The following GNA14 variants were observed in gnomAD, a reference collection of about 807,000 sequenced individuals.
GNA14 encodes guanine nucleotide-binding protein subunit alpha-14.
In GNA14, 50 loss-of-function variants were observed where a neutral mutation model predicts 42.0. That is an observed-to-expected ratio of 1.19 (90% CI 0.95 to 1.51). The LOEUF is 1.51. Ranked by LOEUF, GNA14 falls within the 40% of genes most tolerant of loss-of-function variation. GNA14 has a pLI of 0.00. For missense variants in GNA14, 473 were observed against 446.2 expected, an observed-to-expected ratio of 1.06 and a Z score of -0.54; for synonymous variants, 173 against 163.1, an observed-to-expected ratio of 1.06 and a Z score of -0.46.
Position 77,428,938 on chromosome 9 carries a change from T to A in GNA14, c.692A>T (p.Tyr231Phe). The change falls in exon 5 of 7, where the codon TAT becomes TTT. Residue 231 changes from tyrosine to phenylalanine, a missense_variant. Coordinates refer to ENST00000341700, the MANE Select transcript of GNA14 (RefSeq NM_004297.4). ...GTCACACTCAGCCAGGACCTGGTCA[T>A]ATTCACTCAGAGCAACCAAGAAAAT... ...SIIFLVALSE[Y>F]DQVLAECDNE... is the part of the protein sequence containing the mutation. The A allele has an allele frequency of 6.2e-7, 1 of 1,614,104 alleles. No homozygotes were observed. The highest frequency in any genetic ancestry group is 1.1e-5 in the South Asian group (1 of 91,074).
At chr9:77,632,191 G>A (rs1824109659) in intron 1 of GNA14, among the ~76,000 whole-genome samples, 1 of 152,230 alleles carries the variant, frequency 6.6e-6, no homozygotes, top group African/African-American at 2.4e-5. Context: ...TCAGAGCAAA[G>A]TTGGGGCCAT....
intron 2 of GNA14, among the ~76,000 whole-genome samples, chr9:77,504,211 T>C (rs1000603637): frequency 5.9e-5 from 9 of 152,202 alleles, no homozygotes; most frequent in African/African-American, 2.2e-4. Flanking sequence ...ACAAATCTTT[T>C]TCACCAACTT....
intron 2 of GNA14, among the ~76,000 whole-genome samples, chr9:77,438,863 A>G (rs1399427743): frequency 6.6e-6 from 1 of 152,190 alleles, no homozygotes; most frequent in African/African-American, 2.4e-5. Flanking sequence ...AAAAACAAGG[A>G]CATCATCGTG....
chr9:77,548,098 G>A (rs1837742273), intron 1 of GNA14, among the ~76,000 whole-genome samples: 1 of 152,154 alleles, frequency 6.6e-6, no homozygotes, highest in Admixed American at 6.5e-5. Flanking sequence ...TTAGGCTGCT[G>A]TAACAAAGTA....
intron 2 of GNA14, among the ~76,000 whole-genome samples, chr9:77,528,776 G>A (rs1315917963): frequency 6.6e-6 from 1 of 152,198 alleles, no homozygotes; most frequent in African/African-American, 2.4e-5. Flanking sequence ...TTAGCGGAAA[G>A]AGAAAATGTA....
chr9:77,570,218 T>G (rs1337749991), intron 1 of GNA14, among the ~76,000 whole-genome samples: 1 of 152,240 alleles, frequency 6.6e-6, no homozygotes, highest in South Asian at 2.1e-4. Context: ...TTTTAACAGC[T>G]TTATTGAAAT....
At chr9:77,619,656 A>G (rs1823890836) in intron 1 of GNA14, among the ~76,000 whole-genome samples, 1 of 152,206 alleles carries the variant, frequency 6.6e-6, no homozygotes, top group African/African-American at 2.4e-5. Flanking sequence ...AGTATAGTGC[A>G]TACCACAACA....
At chr9:77,622,712 C>A (rs1587851573) in intron 1 of GNA14, among the ~76,000 whole-genome samples, 1 of 144,790 alleles carries the variant, frequency 6.9e-6, no homozygotes, top group East Asian at 2.0e-4. Flanking sequence ...TGGTGAAAAC[C>A]CCGTCTCTAC....
intron 1 of GNA14, among the ~76,000 whole-genome samples, chr9:77,565,482 G>C (rs535726817): frequency 6.6e-6 from 1 of 152,196 alleles, no homozygotes; most frequent in South Asian, 2.1e-4. Context: ...TTTTGAGACA[G>C]AGTCTCACTC....
intron 1 of GNA14, among the ~76,000 whole-genome samples, chr9:77,572,006 C>T (rs1437032063): frequency 6.6e-6 from 1 of 151,824 alleles, no homozygotes; most frequent in Non-Finnish European, 1.5e-5. Context: ...ATGTTGGTTT[C>T]TAGCGATTTC....
chr9:77,442,077 G>A (rs1238510722), intron 2 of GNA14, among the ~76,000 whole-genome samples: 1 of 152,194 alleles, frequency 6.6e-6, no homozygotes, highest in Non-Finnish European at 1.5e-5. Context: ...GAAAGTAGTA[G>A]AAAGCTAATG....
chr9:77,512,163 A>G (rs1359768186), intron 2 of GNA14, among the ~76,000 whole-genome samples: 2 of 151,836 alleles, frequency 1.3e-5, no homozygotes, highest in Admixed American at 1.3e-4. Flanking sequence ...AGGCATGTAC[A>G]CAAAAATATT....
intron 2 of GNA14, among the ~76,000 whole-genome samples, chr9:77,462,207 T>C (rs1018331990): frequency 2.6e-5 from 4 of 152,178 alleles, no homozygotes; most frequent in African/African-American, 9.7e-5. Flanking sequence ...CGCAGCTCTT[T>C]GTCCCTGGGC....
chr9:77,450,834 C>T lies in GNA14; in HGVS notation c.310-16312G>A, dbSNP rs549727342. Among the ~76,000 whole-genome samples, 10 of 151,926 alleles carry T rather than the reference C, an allele frequency of 6.6e-5. No homozygotes were observed. The South Asian group carries it at 8.3e-4, about 13-fold the overall frequency. On this transcript the variant is annotated intron_variant, in intron 2 of 6. Transcript: ENST00000341700. ...TTGAATCATGGGGGTGGGTTTTTCC[C>T]GTGCTGTTCTCTTGATAGTGAATAA...
intron 1 of GNA14, among the ~76,000 whole-genome samples, chr9:77,569,069 T>C (rs1428683882): frequency 6.6e-6 from 1 of 152,132 alleles, no homozygotes; most frequent in African/African-American, 2.4e-5. Context: ...AAGTCCCATA[T>C]GTGCCTTCTC....
chr9:77,434,671 C>T (rs1587758324), intron 2 of GNA14, 149 bp from the exon 3 acceptor site: 2 of 644,808 alleles, frequency 3.1e-6, no homozygotes, highest in East Asian at 2.8e-5. Context: ...GGGCCGCTCA[C>T]AGCCAAGACA....
intron 1 of GNA14, among the ~76,000 whole-genome samples, chr9:77,574,436 T>C (rs2131798099): frequency 6.6e-6 from 1 of 152,350 alleles, no homozygotes; most frequent in Non-Finnish European, 1.5e-5. Context: ...GGTGATTAAA[T>C]ACAGACAGTA....
In GNA14 at chr9:77,511,931, G is replaced by A. The variant is rs577405794; in HGVS notation, c.309+17138C>T. On this transcript the variant is annotated intron_variant, in intron 2 of 6. Coordinates refer to ENST00000341700, the MANE Select transcript of GNA14 (RefSeq NM_004297.4). ...CCCCAAAGGCAGAAGGTAGACCCTC[G>A]ATAACTGTTTGATGAATGAATAACC... 2.0e-5 allele frequency among the ~76,000 whole-genome samples: 3 copies of A among 152,252 alleles called. No individual in the cohort carries two copies. The South Asian group carries it at 6.2e-4, about 32-fold the overall frequency.
intron 2 of GNA14, among the ~76,000 whole-genome samples, chr9:77,513,735 C>T (rs1485166365): frequency 2.0e-5 from 3 of 152,228 alleles, no homozygotes; most frequent in African/African-American, 7.2e-5. Context: ...ACATGATGAC[C>T]TTATAGCTAA....
Sources: gnomAD v4.1 joint callset for allele counts (sites outside exome capture counted in the v4.1 genomes callset) on GRCh38, gnomAD v4.1.1 for gene constraint, MANE v1.5 for transcripts, NCBI Gene and HGNC (gene_info 2026-07-23, HGNC 2026-07-21) for gene names.